The following ULK4 variants were observed in gnomAD, a reference collection of about 807,000 sequenced individuals.
ULK4 encodes the protein inactive serine/threonine-protein kinase ULK4.
In ULK4, 133 loss-of-function variants were observed where a neutral mutation model predicts 160.6. That is an observed-to-expected ratio of 0.83 (90% CI 0.72 to 0.96). The LOEUF is 0.96. Among genes scored for constraint, ULK4 ranks in the 40% least tolerant of loss-of-function variants. ULK4 has a pLI of 0.00. For missense variants in ULK4, 1,580 were observed against 1,499.5 expected, an observed-to-expected ratio of 1.05 and a Z score of -0.89; for synonymous variants, 534 against 539.8, an observed-to-expected ratio of 0.99 and a Z score of 0.15.
intron 22 of ULK4, among the ~76,000 whole-genome samples, chr3:41,738,340 T>G (rs940671370): frequency 6.6e-6 from 1 of 151,872 alleles, no homozygotes; most frequent in African/African-American, 2.4e-5. Flanking sequence ...AAGGTTTTTT[T>G]TCTCCGTTTC....
chr3:41,913,085 C>T (rs776588512), intron 8 of ULK4, 186 bp from the exon 9 acceptor site: 4 of 558,976 alleles, frequency 7.2e-6, no homozygotes, highest in Non-Finnish European at 1.3e-5. Flanking sequence ...TAAAAAGAAA[C>T]AATTCAGAAG....
chr3:41,684,749 A>C (rs2036043779), intron 27 of ULK4, among the ~76,000 whole-genome samples: 1 of 152,250 alleles, frequency 6.6e-6, no homozygotes, highest in South Asian at 2.1e-4. Flanking sequence ...ATATTATAAA[A>C]ACCTGAAAAA....
Position 41,376,195 on chromosome 3 carries a change from C to A in ULK4, c.3678+21884G>T, listed in dbSNP as rs185234158. ...TGGTGGGAGTGTAAATTAGTTCAACCATTGTGGAAGACAGTGTGGTAATTC... is the reference window on the plus strand; with the variant it reads ...TGGTGGGAGTGTAAATTAGTTCAACAATTGTGGAAGACAGTGTGGTAATTC... On this transcript the variant is annotated intron_variant, in intron 35 of 36. Coordinates refer to ENST00000301831, the MANE Select transcript of ULK4 (RefSeq NM_017886.4). 6.7e-4 allele frequency among the ~76,000 whole-genome samples: 101 copies of A among 150,330 alleles called. 10 individuals carry two copies. The highest frequency in any genetic ancestry group is 2.4e-3 in the African/African-American group (98 of 40,386).
At chr3:41,483,770 T>G (rs1243390127) in intron 32 of ULK4, among the ~76,000 whole-genome samples, 1 of 152,190 alleles carries the variant, frequency 6.6e-6, no homozygotes, top group East Asian at 1.9e-4. Context: ...ATGGGGCATT[T>G]TCCTGTAATA....
In ULK4 at chr3:41,495,409, C is replaced by A. The variant is rs934059004; in HGVS notation, c.3227-32156G>T. ...GCTGAAACTGGATCCCTTCCTTACA[C>A]CTTACACAAAAATTAATTCAAGATG... On this transcript the variant is annotated intron_variant, in intron 32 of 36. Transcript: ENST00000301831. Among the ~76,000 whole-genome samples, 5 of 151,968 alleles carry A rather than the reference C, an allele frequency of 3.3e-5. No individual in the cohort carries two copies. The South Asian group carries it at 8.3e-4, about 25-fold the overall frequency.
intron 33 of ULK4, among the ~76,000 whole-genome samples, chr3:41,458,260 T>C (rs2083600361): frequency 6.6e-6 from 1 of 152,224 alleles, no homozygotes; most frequent in South Asian, 2.1e-4. Context: ...GACATTCCTT[T>C]GGAACTTGTC....
intron 35 of ULK4, among the ~76,000 whole-genome samples, chr3:41,317,070 T>TC (rs1478585488): frequency 7.7e-6 from 1 of 130,288 alleles, no homozygotes; most frequent in East Asian, 2.0e-4. Context: ...TCTATTTTTT[T>TC]TTTTTTTTTT....
intron 35 of ULK4, among the ~76,000 whole-genome samples, chr3:41,297,130 C>T (rs2079684753): frequency 6.6e-6 from 1 of 152,168 alleles, no homozygotes; most frequent in African/African-American, 2.4e-5. Context: ...CACTGAAGCC[C>T]ATCCATCTTT....
intron 31 of ULK4, among the ~76,000 whole-genome samples, chr3:41,574,529 CTCT>C (rs2088116900): frequency 1.3e-5 from 1 of 74,266 alleles, no homozygotes; most frequent in African/African-American, 4.1e-5. Context: ...TACCAGAGTC[CTCT>C]TTTTTTTTTT....
chr3:41,571,610 G>A (rs919787661), intron 31 of ULK4, among the ~76,000 whole-genome samples: 2 of 152,118 alleles, frequency 1.3e-5, no homozygotes, highest in Non-Finnish European at 2.9e-5. Context: ...GAAGACTGGT[G>A]GAAAGAGACA....
Position 41,395,905 on chromosome 3 carries a change from C to T in ULK4, c.3678+2174G>A, listed in dbSNP as rs145783189. On this transcript the variant is annotated intron_variant, in intron 35 of 36. Coordinates refer to ENST00000301831, the MANE Select transcript of ULK4 (RefSeq NM_017886.4). ...TTTTCTTCCACAAACAAAATCTACCCGGCCCTATAAGGCAGGTCAGATATT... is the reference window on the plus strand; with the variant it reads ...TTTTCTTCCACAAACAAAATCTACCTGGCCCTATAAGGCAGGTCAGATATT... Among the ~76,000 whole-genome samples, 1,019 of 152,092 alleles carry T rather than the reference C, an allele frequency of 6.7e-3. 4 individuals are homozygous for T. Among genetic ancestry groups the T allele is most frequent in the East Asian group, 0.015 (79 of 5,168 alleles).
At chr3:41,723,329 G>T (rs1241628217) in intron 22 of ULK4, among the ~76,000 whole-genome samples, 1 of 151,948 alleles carries the variant, frequency 6.6e-6, no homozygotes, top group Non-Finnish European at 1.5e-5. Flanking sequence ...TGATTTGGAG[G>T]CATTAATTAT....
chr3:41,304,832 C>G (rs2079872979), intron 35 of ULK4, among the ~76,000 whole-genome samples: 1 of 152,186 alleles, frequency 6.6e-6, no homozygotes, highest in Non-Finnish European at 1.5e-5. Flanking sequence ...TCACTAGCTC[C>G]TGTGTCAAAG....
chr3:41,547,363 G>A (rs1033365240), intron 32 of ULK4, among the ~76,000 whole-genome samples: 1 of 152,138 alleles, frequency 6.6e-6, no homozygotes, highest in African/African-American at 2.4e-5. Context: ...AATTCAGCAG[G>A]GAAGGGACAG....
At chr3:41,308,509 G>T (rs1330263873) in intron 35 of ULK4, among the ~76,000 whole-genome samples, 1 of 151,940 alleles carries the variant, frequency 6.6e-6, no homozygotes, top group Non-Finnish European at 1.5e-5. Flanking sequence ...ACAGATACTG[G>T]AAACAGATAC....
intron 34 of ULK4, among the ~76,000 whole-genome samples, chr3:41,431,534 T>C (rs1380020403): frequency 6.8e-6 from 1 of 147,908 alleles, no homozygotes; most frequent in Admixed American, 6.7e-5. Flanking sequence ...TGTGAGGTGT[T>C]GTAATTCCCT....
At chr3:41,552,013 G>A (rs905755291) in intron 32 of ULK4, among the ~76,000 whole-genome samples, 3 of 151,692 alleles carry the variant, frequency 2.0e-5, no homozygotes, top group African/African-American at 4.8e-5. Flanking sequence ...GATAAAAAAC[G>A]TGATCATCTC....
intron 34 of ULK4, among the ~76,000 whole-genome samples, chr3:41,429,746 T>C (rs1437405172): frequency 6.8e-6 from 1 of 146,296 alleles, no homozygotes; most frequent in Non-Finnish European, 1.5e-5. Flanking sequence ...TCGGTGGGGG[T>C]GCAGCATGGG....
intron 32 of ULK4, among the ~76,000 whole-genome samples, chr3:41,559,438 G>A (rs1233727144): frequency 7.4e-6 from 1 of 134,862 alleles, no homozygotes; most frequent in East Asian, 2.1e-4. Flanking sequence ...CTAGATCCTT[G>A]AGGAACTGCC....
Sources: gnomAD v4.1 joint callset for allele counts (sites outside exome capture counted in the v4.1 genomes callset) on GRCh38, gnomAD v4.1.1 for gene constraint, MANE v1.5 for transcripts, NCBI Gene and HGNC (gene_info 2026-07-23, HGNC 2026-07-21) for gene names.